Variants in TRIM9 observed in about 807,000 individuals in gnomAD.
The protein encoded by TRIM9 is E3 ubiquitin-protein ligase TRIM9.
In TRIM9, 26 loss-of-function variants were observed where a neutral mutation model predicts 78.3. The ratio of observed to expected loss-of-function variants is 0.33; its 90% confidence interval spans 0.24 to 0.46. The LOEUF is 0.46. Among genes scored for constraint, TRIM9 ranks in the 20% least tolerant of loss-of-function variants. The probability of loss-of-function intolerance (pLI) is 1.00; values close to 1 mark genes in which losing one functional copy is unlikely to be tolerated. For missense variants in TRIM9, 787 were observed against 1,036.4 expected (o/e 0.76, Z 3.30); for synonymous variants, 398 against 416.5 (o/e 0.96, Z 0.54).
At chr14:50,979,337 T>TA (rs765701276) in intron 12 of TRIM9, 50 bp downstream of exon 12, 2 of 1,614,134 alleles carry the variant, frequency 1.2e-6, no homozygotes, top group Non-Finnish European at 1.7e-6. Context: ...GGGCAGCCTT[T>TA]GAACCGGTAG....
At chr14:51,008,692 C>T (rs1248037327) in intron 5 of TRIM9, among the ~76,000 whole-genome samples, 1 of 152,246 alleles carries the variant, frequency 6.6e-6, no homozygotes, top group East Asian at 1.9e-4. Context: ...CATTTGCTTA[C>T]TATCTCTATC....
At chr14:51,042,817 G>GC (rs528589918) in intron 1 of TRIM9, among the ~76,000 whole-genome samples, 35 of 152,214 alleles carry the variant, frequency 2.3e-4, no homozygotes, top group South Asian at 1.7e-3. Context: ...GTACAGACCT[G>GC]CTCCTGGCAG....
intron 1 of TRIM9, among the ~76,000 whole-genome samples, chr14:51,058,069 C>G (rs890069672): frequency 6.6e-6 from 1 of 152,174 alleles, no homozygotes; most frequent in African/African-American, 2.4e-5. Flanking sequence ...ATCTGACAGC[C>G]TATCAGTAAC....
chr14:51,012,711 C>T (rs1487635393), intron 3 of TRIM9, among the ~76,000 whole-genome samples: 1 of 152,096 alleles, frequency 6.6e-6, no homozygotes, highest in Non-Finnish European at 1.5e-5. Flanking sequence ...CACATCCTCG[C>T]CCACACTTAT....
intron 1 of TRIM9, among the ~76,000 whole-genome samples, chr14:51,052,376 C>CT: frequency 2.0e-5 from 3 of 152,174 alleles, no homozygotes; most frequent in Middle Eastern, 6.8e-3. Context: ...CTTCAAAAAC[C>CT]TTTTTACCTC....
chr14:51,086,969 C>G (rs2063812868), intron 1 of TRIM9, among the ~76,000 whole-genome samples: 1 of 152,124 alleles, frequency 6.6e-6, no homozygotes, highest in Non-Finnish European at 1.5e-5. Context: ...AAAACTCCCT[C>G]TCTACAGTTA....
chr14:50,981,615 CATT>C (rs2051915267), intron 11 of TRIM9, among the ~76,000 whole-genome samples, 182 bp downstream of exon 11: 1 of 152,166 alleles, frequency 6.6e-6, no homozygotes, highest in East Asian at 1.9e-4. Flanking sequence ...AAGTCTCTAT[CATT>C]ATATAGAAAG....
chr14:50,979,506 G>A lies in TRIM9; in HGVS notation c.2206C>T (p.Leu736Phe). 3.1e-6 allele frequency: 5 copies of A among 1,614,134 alleles called. No individual in the cohort carries two copies. The highest frequency in any genetic ancestry group is 4.2e-6 in the Non-Finnish European group (5 of 1,180,024). The change falls in exon 12 of 13, where the codon CTC (leucine) becomes TTC (phenylalanine). Residue 736 changes from leucine (L) to phenylalanine (F), a missense_variant. By Grantham distance (22) the Leu-to-Phe change is conservative (BLOSUM62 0). This residue lies in a region of TRIM9 where 421 missense variants were observed against 514.3 expected (regional missense o/e 0.82). Coordinates refer to ENST00000684578, the MANE Select transcript of TRIM9 (RefSeq NM_001387360.1). ...GTCAAGTTTTTTCTATTTAAGTCGAGGAGGACCCCAATTGTGGCCCCTTTT... is the reference window on the plus strand; with the variant it reads ...GTCAAGTTTTTTCTATTTAAGTCGAAGAGGACCCCAATTGTGGCCCCTTTT... The part of the protein sequence containing the change: ...ITKGATIGVL[L>F]DLNRKNLTFF...
At chr14:50,989,329 G>A (rs2053174704) in intron 7 of TRIM9, among the ~76,000 whole-genome samples, 1 of 152,146 alleles carries the variant, frequency 6.6e-6, no homozygotes, top group South Asian at 2.1e-4. Flanking sequence ...CGTATTCTGC[G>A]TTATGCCCAT....
At chr14:51,080,934 A>G (rs2063252496) in intron 1 of TRIM9, among the ~76,000 whole-genome samples, 2 of 152,244 alleles carry the variant, frequency 1.3e-5, no homozygotes, top group Non-Finnish European at 2.9e-5. Flanking sequence ...GATGGACTTT[A>G]TCCAAGTTCT....
chr14:51,056,635 T>C (rs1458336203), intron 1 of TRIM9, among the ~76,000 whole-genome samples: 2 of 152,200 alleles, frequency 1.3e-5, no homozygotes, highest in African/African-American at 4.8e-5. Flanking sequence ...AGGCAGGTGG[T>C]TTGCATCAAC....
intron 1 of TRIM9, among the ~76,000 whole-genome samples, chr14:51,032,674 C>T (rs953668882): frequency 6.6e-6 from 1 of 152,228 alleles, no homozygotes; most frequent in African/African-American, 2.4e-5. Context: ...CTCTCAGAGT[C>T]TGTGTCCAGG....
At chr14:51,021,176 T>C (rs2057727042) in intron 3 of TRIM9, among the ~76,000 whole-genome samples, 1 of 152,194 alleles carries the variant, frequency 6.6e-6, no homozygotes, top group African/African-American at 2.4e-5. Flanking sequence ...GACAGTTTTT[T>C]AGCAATGTTA....
At position 51,002,452 on chromosome 14, in the gene TRIM9, A is replaced by T. The variant is rs75500586; in HGVS notation, c.1307-1612T>A. On this transcript the variant is annotated intron_variant, in intron 5 of 12. Transcript: ENST00000684578. ...CCCGGCTGGGAACCATGTTTTTGCCAGCTGCTTAAAAATTTTTTTTCAGCA... is the reference window on the plus strand; with the variant it reads ...CCCGGCTGGGAACCATGTTTTTGCCTGCTGCTTAAAAATTTTTTTTCAGCA... Among the ~76,000 whole-genome samples, 38 of 152,286 alleles carry T rather than the reference A, an allele frequency of 2.5e-4. No individual in the cohort carries two copies. The East Asian group carries it at 2.5e-3, about 10-fold the overall frequency.
rs1423472501 is a variant in TRIM9 at position 50,979,496 on chromosome 14, T to C, written c.2216A>G (p.Asn739Ser). 4 of 1,614,194 alleles carry C rather than the reference T, an allele frequency of 2.5e-6. No individual in the cohort carries two copies. The highest frequency in any genetic ancestry group is 1.7e-5 in the Admixed American group (1 of 60,026). ...GATAAAAAATGTCAAGTTTTTTCTA[T>C]TTAAGTCGAGGAGGACCCCAATTGT... ...GATIGVLLDL[N>S]RKNLTFFIND... The change falls in exon 12 of 13, where the codon AAT (asparagine) becomes AGT (serine). Residue 739 changes from asparagine (N) to serine (S), a missense_variant. By Grantham distance (46) the Asn-to-Ser change is conservative. This residue lies in a region of TRIM9 where 421 missense variants were observed against 514.3 expected (regional missense o/e 0.82). Coordinates refer to ENST00000684578, the MANE Select transcript of TRIM9 (RefSeq NM_001387360.1).
intron 1 of TRIM9, among the ~76,000 whole-genome samples, chr14:51,087,765 G>C (rs74054052): frequency 0.029 from 4,409 of 152,202 alleles, 159 homozygotes; most frequent in African/African-American, 0.083. Flanking sequence ...CAATATTAAA[G>C]TTTTAAGCTT....
chr14:50,999,290 C>T (rs1454549045), intron 6 of TRIM9, among the ~76,000 whole-genome samples: 1 of 151,944 alleles, frequency 6.6e-6, no homozygotes, highest in Non-Finnish European at 1.5e-5. Context: ...AAAAGAAAGG[C>T]CCTGAAAATG....
In TRIM9 at chr14:50,999,083, G is replaced by C. The variant is rs577757345; in HGVS notation, c.1465-895C>G. On this transcript the variant is annotated intron_variant, in intron 6 of 12. Transcript: ENST00000684578. Reference sequence around the variant, plus strand: ...CACCTGAGGATCTTGTAAAAATGCAGTTGCTGATCCAGTAGGTGTCTGGGG... The same window carrying C: ...CACCTGAGGATCTTGTAAAAATGCACTTGCTGATCCAGTAGGTGTCTGGGG... Among the ~76,000 whole-genome samples the C allele has an allele frequency of 2.0e-5, 3 of 152,266 alleles. No homozygotes were observed. In the East Asian group the frequency reaches 5.8e-4, roughly 29 times the overall value.
At chr14:50,980,351 C>A (rs1018511426) in intron 11 of TRIM9, among the ~76,000 whole-genome samples, 1 of 152,162 alleles carries the variant, frequency 6.6e-6, no homozygotes, top group African/African-American at 2.4e-5. Flanking sequence ...AATGGACGAT[C>A]AGATTTGTCT....
Sources: gnomAD v4.1 joint callset for allele counts (sites outside exome capture counted in the v4.1 genomes callset) on GRCh38, gnomAD v4.1.1 for gene constraint, gnomAD v4.1.1 regional missense constraint, MANE v1.5 for transcripts, NCBI Gene and HGNC (gene_info 2026-07-23, HGNC 2026-07-21) for gene names.